The following SHROOM3 variants were observed in gnomAD, a reference collection of about 807,000 sequenced individuals.
SHROOM3 encodes shroom family member 3.
Under a neutral mutation model 138.6 loss-of-function variants are expected in SHROOM3, and 47 were observed. The ratio of observed to expected loss-of-function variants is 0.34; its 90% CI spans 0.27 to 0.43. SHROOM3 has a LOEUF of 0.43. SHROOM3 is among the 20% of genes least tolerant of loss of function. The pLI, the probability that SHROOM3 is intolerant of heterozygous loss-of-function variation, is 1.00. For missense variants in SHROOM3, 2,491 were observed against 2,596.5 expected (o/e 0.96, Z 0.88); for synonymous variants, 1,062 against 1,063.3 (o/e 1.00, Z 0.02).
chr4:76,471,873 C>G (rs1480821240), intron 1 of SHROOM3, among the ~76,000 whole-genome samples: 6 of 150,118 alleles, frequency 4.0e-5, no homozygotes, highest in Non-Finnish European at 1.5e-5. Flanking sequence ...TCAGAGTTAC[C>G]TAGGAAGAGT....
In SHROOM3 at chr4:76,740,157, T is replaced by A. The variant is rs1200999610; in HGVS notation, c.1984T>A (p.Phe662Ile). The change falls in exon 5 of 11, where the codon TTC becomes ATC. Residue 662 changes from phenylalanine (F) to isoleucine (I), a missense_variant. Physicochemically the swap from Phe to Ile is conservative, Grantham distance 21. Transcript: ENST00000296043. The surrounding 1 kb of genome is among the most constrained non-coding windows in gnomAD (Gnocchi z 4.0). ...SGNFGKTKSAFSSLQNIPESL... is the reference protein window; with the variant it reads ...SGNFGKTKSAISSLQNIPESL... Reference sequence around the variant, plus strand: ...CAACTTTGGCAAGACCAAGTCAGCCTTCTCATCTCTCCAGAACATTCCTGA... The same window carrying A: ...CAACTTTGGCAAGACCAAGTCAGCCATCTCATCTCTCCAGAACATTCCTGA... The A allele has an allele frequency of 6.2e-7, 1 of 1,613,806 alleles. No homozygotes were observed. Among genetic ancestry groups the A allele is most frequent in the Non-Finnish European group, 8.5e-7 (1 of 1,180,026 alleles).
At chr4:76,765,809 T>C (rs1419234083) in intron 9 of SHROOM3, among the ~76,000 whole-genome samples, 1 of 152,218 alleles carries the variant, frequency 6.6e-6, no homozygotes, top group African/African-American at 2.4e-5. Flanking sequence ...AGCCTTCAAC[T>C]CTTCAAATTT....
At chr4:76,722,266 C>T (rs1720574781) in intron 3 of SHROOM3, among the ~76,000 whole-genome samples, 1 of 152,080 alleles carries the variant, frequency 6.6e-6, no homozygotes, top group Admixed American at 6.5e-5. Flanking sequence ...CCTAAAGGGC[C>T]ATCAATGACA....
intron 5 of SHROOM3, 77 bp downstream of exon 5, chr4:76,742,003 C>A (rs757874741): frequency 2.6e-6 from 4 of 1,535,624 alleles, no homozygotes; most frequent in Admixed American, 1.8e-5. Context: ...CCCAACCCCC[C>A]ACACTCTCAC....
chr4:76,630,640 A>AAAAAAGTGATTCTTTTCCT (rs1735288985), intron 2 of SHROOM3, among the ~76,000 whole-genome samples: 6 of 152,168 alleles, frequency 3.9e-5, no homozygotes, highest in Non-Finnish European at 5.9e-5. Context: ...AATCAGTCAC[A>AAAAAAGTGATTCTTTTCCT]AAAAAGTGAT....
intron 1 of SHROOM3, among the ~76,000 whole-genome samples, chr4:76,536,964 T>C (rs942678194): frequency 6.6e-6 from 1 of 151,912 alleles, no homozygotes; most frequent in African/African-American, 2.4e-5. Flanking sequence ...AATACAAAAA[T>C]TACCCAGGTG....
At chr4:76,462,678 C>T (rs2109976658) in intron 1 of SHROOM3, among the ~76,000 whole-genome samples, 1 of 150,598 alleles carries the variant, frequency 6.6e-6, no homozygotes, top group South Asian at 2.1e-4. Context: ...CTCTCTCTCC[C>T]TCTCCCTCTC....
At chr4:76,621,362 G>A (rs1452431713) in intron 2 of SHROOM3, among the ~76,000 whole-genome samples, 3 of 152,120 alleles carry the variant, frequency 2.0e-5, no homozygotes, top group Admixed American at 6.5e-5. Context: ...CTGGACTAAC[G>A]CTGATTAAGA....
chr4:76,656,909 T>C (rs955157625), intron 2 of SHROOM3, among the ~76,000 whole-genome samples: 19 of 152,208 alleles, frequency 1.2e-4, no homozygotes, highest in Non-Finnish European at 1.3e-4. Context: ...CAGTTGCTCA[T>C]GCCTGTAATC....
At chr4:76,606,537 C>T (rs1218191695) in intron 2 of SHROOM3, among the ~76,000 whole-genome samples, 1 of 151,776 alleles carries the variant, frequency 6.6e-6, no homozygotes, top group Non-Finnish European at 1.5e-5. Flanking sequence ...AACCCCATCT[C>T]TACTAAAATA....
chr4:76,677,030 A>C (rs1007565976), intron 2 of SHROOM3, among the ~76,000 whole-genome samples: 5 of 152,152 alleles, frequency 3.3e-5, no homozygotes, highest in African/African-American at 1.2e-4. Flanking sequence ...AATCAGGCAA[A>C]GTTATGTGAA....
chr4:76,542,849 C>G (rs1260027980), intron 1 of SHROOM3, among the ~76,000 whole-genome samples: 1 of 152,202 alleles, frequency 6.6e-6, no homozygotes, highest in African/African-American at 2.4e-5. Flanking sequence ...AAGTCTGGCC[C>G]TAGACCTTCT....
In SHROOM3 at chr4:76,778,832, G is replaced by C; in HGVS notation, c.5646G>C (p.Lys1882Asn). 6.2e-7 allele frequency: 1 copy of C among 1,612,436 alleles called. No homozygotes were observed. Among genetic ancestry groups the C allele is most frequent in the Non-Finnish European group, 8.5e-7 (1 of 1,180,024 alleles). Residue 1882 changes from lysine to asparagine, a missense_variant, in exon 11 of 11, where the codon AAG becomes AAC. Physicochemically the swap from Lys to Asn is moderately conservative, Grantham distance 94. Coordinates refer to ENST00000296043, the MANE Select transcript of SHROOM3 (RefSeq NM_020859.4). ...AGAGCTCTCTTTACGAGAAAAGGAA[G>C]ATCCTGGCTGGTCAGCATGAGGATG... ...EERSSLYEKR[K>N]ILAGQHEDAR...
chr4:76,730,675 ATT>A, intron 3 of SHROOM3, 127 bp from the exon 4 acceptor site: 2 of 1,167,488 alleles, frequency 1.7e-6, no homozygotes, highest in South Asian at 1.3e-5. Context: ...TCTTCTCAGT[ATT>A]GACTTGGTTG....
At chr4:76,687,758 A>G (rs1423631806) in intron 2 of SHROOM3, among the ~76,000 whole-genome samples, 1 of 152,238 alleles carries the variant, frequency 6.6e-6, no homozygotes, top group African/African-American at 2.4e-5. Flanking sequence ...CTGGTGTAAC[A>G]TCCATGCTGT....
chr4:76,544,866 G>A (rs916078911), intron 1 of SHROOM3, among the ~76,000 whole-genome samples: 7 of 152,086 alleles, frequency 4.6e-5, no homozygotes, highest in African/African-American at 1.7e-4. Flanking sequence ...GTTAGAGCGG[G>A]GCCTTCTTTT....
At chr4:76,505,909 C>A (rs1732200473) in intron 1 of SHROOM3, among the ~76,000 whole-genome samples, 1 of 152,108 alleles carries the variant, frequency 6.6e-6, no homozygotes, top group African/African-American at 2.4e-5. Context: ...CCTCCTCCTC[C>A]CAAAGTGCTT....
intron 3 of SHROOM3, among the ~76,000 whole-genome samples, chr4:76,713,164 A>T (rs188880488): frequency 1.5e-3 from 226 of 152,234 alleles, no homozygotes; most frequent in Non-Finnish European, 1.2e-3. Context: ...TTTATTTAAA[A>T]TTTTTTCTTC....
At chr4:76,475,136 C>T (rs543182710) in intron 1 of SHROOM3, among the ~76,000 whole-genome samples, 1 of 151,970 alleles carries the variant, frequency 6.6e-6, no homozygotes, top group East Asian at 1.9e-4. Context: ...TCATATTAGC[C>T]TGGTAAATTG....
Sources: gnomAD v4.1 joint callset for allele counts (sites outside exome capture counted in the v4.1 genomes callset) on GRCh38, gnomAD v4.1.1 for gene constraint, Gnocchi (gnomAD v3.1) non-coding constraint, MANE v1.5 for transcripts, NCBI Gene and HGNC (gene_info 2026-07-23, HGNC 2026-07-21) for gene names.